EGFLAM: variants seen among roughly 807,000 people sequenced by gnomAD.
EGFLAM encodes the protein pikachurin.
In EGFLAM, 79 loss-of-function variants were observed where a neutral mutation model predicts 113.1. That is an observed-to-expected ratio of 0.70 (90% CI 0.58 to 0.84). EGFLAM has a LOEUF of 0.84. Ranked by LOEUF, EGFLAM falls within the 40% of genes least tolerant of loss-of-function variation. EGFLAM has a pLI of 0.00. For synonymous variants in EGFLAM, 504 were observed against 487.6 expected (o/e 1.03, Z -0.44); for missense variants, 1,265 against 1,291.6 (o/e 0.98, Z 0.32).
intron 1 of EGFLAM, among the ~76,000 whole-genome samples, chr5:38,298,845 C>T (rs1005903660): frequency 6.6e-6 from 1 of 151,990 alleles, no homozygotes; most frequent in East Asian, 1.9e-4. Flanking sequence ...GGACCACAGG[C>T]GCACACCACC....
At chr5:38,305,753 G>A (rs960244857) in intron 1 of EGFLAM, 1 of 180,974 alleles carries the variant, frequency 5.5e-6, no homozygotes, top group African/African-American at 2.4e-5. Context: ...ATCCAAACTA[G>A]GAAGATTAGA....
At chr5:38,379,267 G>A (rs558313742) in intron 6 of EGFLAM, among the ~76,000 whole-genome samples, 43 of 152,206 alleles carry the variant, frequency 2.8e-4, no homozygotes, top group Non-Finnish European at 2.9e-4. Flanking sequence ...CAGATTAAGA[G>A]GAGAAAAGGT....
chr5:38,437,111 A>G (rs1188347736), intron 16 of EGFLAM, among the ~76,000 whole-genome samples: 2 of 152,252 alleles, frequency 1.3e-5, no homozygotes, highest in African/African-American at 4.8e-5. Flanking sequence ...ATTTGGGGCT[A>G]GGGAACCCAG....
chr5:38,346,831 G>T (rs116302890), intron 3 of EGFLAM, among the ~76,000 whole-genome samples: 1,840 of 152,322 alleles, frequency 0.012, 40 homozygotes, highest in African/African-American at 0.043. Context: ...CACCAAACTT[G>T]ACGTGAAACC....
chr5:38,425,053 C>T lies in EGFLAM; in HGVS notation c.1771C>T (p.Leu591Phe), dbSNP rs141846611. 7.5e-4 allele frequency: 1,208 copies of T among 1,614,098 alleles called. 3 individuals are homozygous for T. Among genetic ancestry groups the T allele is most frequent in the Non-Finnish European group, 9.7e-4 (1,144 of 1,179,996 alleles). ...AATCAAAGCCGACTCCTACATTTGC[C>T]TCTGTCCCCTTGGGTTTAAAGGTCG... is the stretch of plus-strand genomic sequence containing the variant. The part of the protein sequence containing the change: ...TAIKADSYIC[L>F]CPLGFKGRHC... The change falls in exon 13 of 22, where the codon CTC becomes TTC. Residue 591 changes from leucine (L) to phenylalanine (F), a missense_variant. Coordinates refer to ENST00000322350, the MANE Select transcript of EGFLAM (RefSeq NM_152403.4).
At chr5:38,365,343 C>A (rs1670734624) in intron 5 of EGFLAM, among the ~76,000 whole-genome samples, 1 of 152,116 alleles carries the variant, frequency 6.6e-6, no homozygotes, top group Admixed American at 6.5e-5. Context: ...GTCACAATGT[C>A]CAGTGTATAT....
intron 17 of EGFLAM, among the ~76,000 whole-genome samples, chr5:38,442,746 C>T (rs1742587128): frequency 6.6e-6 from 1 of 152,016 alleles, no homozygotes; most frequent in Non-Finnish European, 1.5e-5. Context: ...GCCAAGATTC[C>T]TGCACCTTTG....
At chr5:38,408,926 A>C (rs1005895465) in intron 9 of EGFLAM, 78 bp from the exon 10 acceptor site, 3 of 1,246,844 alleles carry the variant, frequency 2.4e-6, no homozygotes, top group South Asian at 1.3e-5. Flanking sequence ...CAAGTTTCAC[A>C]TTTGTGTCTT....
chr5:38,426,901 G>A, intron 13 of EGFLAM, 108 bp from the exon 14 acceptor site: 1 of 1,490,396 alleles, frequency 6.7e-7, no homozygotes, highest in Non-Finnish European at 9.0e-7. Context: ...GGGCTGCTGG[G>A]AATTGTAGTT....
At chr5:38,434,838 G>A (rs533569183) in intron 15 of EGFLAM, among the ~76,000 whole-genome samples, 9 of 152,316 alleles carry the variant, frequency 5.9e-5, no homozygotes, top group East Asian at 1.9e-4. Context: ...ACCTGTGAAC[G>A]GTAGTGCAGT....
At chr5:38,388,785 G>A (rs1740732808) in intron 6 of EGFLAM, among the ~76,000 whole-genome samples, 1 of 150,258 alleles carries the variant, frequency 6.7e-6, no homozygotes, top group Admixed American at 6.6e-5. Flanking sequence ...AAAGTTAGCT[G>A]GGCTCAGTGG....
intron 17 of EGFLAM, among the ~76,000 whole-genome samples, chr5:38,440,685 T>G (rs980668794): frequency 2.0e-5 from 3 of 152,122 alleles, no homozygotes; most frequent in Admixed American, 1.3e-4. Context: ...ATTTAAAAGT[T>G]GGGGTTTTTT....
intron 14 of EGFLAM, among the ~76,000 whole-genome samples, chr5:38,430,446 C>G (rs1742153358): frequency 1.3e-5 from 2 of 152,276 alleles, no homozygotes; most frequent in South Asian, 4.1e-4. Flanking sequence ...ATGAAGGCAT[C>G]CAATAAATAG....
Position 38,406,920 on chromosome 5 carries a change from G to T in EGFLAM, c.921G>T (p.Arg307Ser). The T allele has an allele frequency of 6.2e-7, 1 of 1,614,134 alleles. No individual in the cohort carries two copies. Among genetic ancestry groups the T allele is most frequent in the Non-Finnish European group, 8.5e-7 (1 of 1,180,032 alleles). ...MSISNPKTIS[R>S]LIPPTSASLP... ...TATCTAACCCAAAGACCATTTCTAG[G>T]CTCATCCCCCCTACCTCAGCATCTC... The change falls in exon 8 of 22, where the codon AGG (arginine) becomes AGT (serine). Residue 307 changes from arginine to serine, a missense_variant. Arg to Ser is a moderately radical substitution (Grantham distance 110). Transcript: ENST00000322350.
At chr5:38,463,743 C>A in intron 21 of EGFLAM, 89 bp from the exon 22 acceptor site, 1 of 1,521,490 alleles carries the variant, frequency 6.6e-7, no homozygotes, top group Non-Finnish European at 9.0e-7. Flanking sequence ...TGGCCAGCAG[C>A]CATTCAAGTG....
intron 17 of EGFLAM, among the ~76,000 whole-genome samples, chr5:38,439,947 G>A (rs901029546): frequency 1.3e-5 from 2 of 152,190 alleles, no homozygotes; most frequent in African/African-American, 4.8e-5. Context: ...TTTAGCACTG[G>A]AAATTAAAGG....
chr5:38,288,725 A>G (rs1326584977), intron 1 of EGFLAM, among the ~76,000 whole-genome samples: 1 of 152,236 alleles, frequency 6.6e-6, no homozygotes, highest in African/African-American at 2.4e-5. Context: ...ATAAGAAAGG[A>G]GATAACAAAT....
At chr5:38,394,233 G>A (rs1346711990) in intron 6 of EGFLAM, among the ~76,000 whole-genome samples, 1 of 151,826 alleles carries the variant, frequency 6.6e-6, no homozygotes, top group Non-Finnish European at 1.5e-5. Flanking sequence ...ACATTTGGTT[G>A]GAAAAACGGG....
intron 1 of EGFLAM, among the ~76,000 whole-genome samples, chr5:38,300,006 T>C (rs987583606): frequency 2.6e-5 from 4 of 152,172 alleles, no homozygotes; most frequent in Admixed American, 2.0e-4. Flanking sequence ...TCAATGTATA[T>C]GTGTAGTACT....
Sources: gnomAD v4.1 joint callset for allele counts (sites outside exome capture counted in the v4.1 genomes callset) on GRCh38, gnomAD v4.1.1 for gene constraint, MANE v1.5 for transcripts, NCBI Gene and HGNC (gene_info 2026-07-23, HGNC 2026-07-21) for gene names.